Variants in MCU observed in about 807,000 individuals in gnomAD.
MCU encodes the protein mitochondrial calcium uniporter.
MCU carries 12 observed loss-of-function variants against 45.2 expected under a neutral mutation model. That is an observed-to-expected ratio of 0.27 (90% CI 0.17 to 0.43). The LOEUF is 0.43. MCU is among the 20% of genes least tolerant of loss of function. MCU has a pLI of 1.00. For synonymous variants in MCU, 160 were observed against 165.1 expected (o/e 0.97, Z 0.24); for missense variants, 324 against 436.7 (o/e 0.74, Z 2.30).
At chr10:72,733,850 T>C (rs1843214445) in intron 1 of MCU, among the ~76,000 whole-genome samples, 1 of 151,768 alleles carries the variant, frequency 6.6e-6, no homozygotes, top group Admixed American at 6.6e-5. Context: ...TTTTAAAGAA[T>C]TAACTTTTTA....
At chr10:72,717,023 C>T (rs1237722320) in intron 1 of MCU, among the ~76,000 whole-genome samples, 2 of 152,064 alleles carry the variant, frequency 1.3e-5, no homozygotes, top group African/African-American at 4.8e-5. Flanking sequence ...TCTCCTGCCT[C>T]CTTTCCTAGG....
intron 1 of MCU, among the ~76,000 whole-genome samples, chr10:72,773,181 G>A (rs1399939451): frequency 1.3e-5 from 2 of 152,140 alleles, no homozygotes; most frequent in African/African-American, 4.8e-5. Context: ...ATAGGCATGA[G>A]CCACCATACC....
intron 1 of MCU, among the ~76,000 whole-genome samples, chr10:72,776,779 G>T (rs1843900811): frequency 6.6e-6 from 1 of 152,100 alleles, no homozygotes; most frequent in Admixed American, 6.5e-5. Flanking sequence ...AGTCAAATTA[G>T]CCTTGTTCAC....
chr10:72,692,671 G>GTA (rs1842638156), intron 1 of MCU: 1 of 1,203,906 alleles, frequency 8.3e-7, no homozygotes, highest in East Asian at 4.2e-5. Context: ...CCAGATGGAA[G>GTA]TTGTCCCCTT....
intron 6 of MCU, among the ~76,000 whole-genome samples, chr10:72,872,613 A>G (rs1215446188): frequency 1.3e-5 from 2 of 152,138 alleles, no homozygotes; most frequent in African/African-American, 4.8e-5. Context: ...TTTTATTGCT[A>G]AGTAATATTC....
intron 1 of MCU, among the ~76,000 whole-genome samples, chr10:72,740,599 T>G (rs1215828804): frequency 6.6e-6 from 1 of 152,274 alleles, no homozygotes; most frequent in Non-Finnish European, 1.5e-5. Flanking sequence ...TCTATATTTC[T>G]TTCTGACTTC....
intron 1 of MCU, chr10:72,766,559 TTAAC>T (rs1161077321): frequency 2.0e-5 from 3 of 152,182 alleles, no homozygotes; most frequent in African/African-American, 7.2e-5. Flanking sequence ...AATTTTACCT[TTAAC>T]TAAAAAAAAT....
chr10:72,778,263 T>C (rs540934197), intron 1 of MCU, among the ~76,000 whole-genome samples: 6 of 152,290 alleles, frequency 3.9e-5, no homozygotes, highest in South Asian at 4.1e-4. Flanking sequence ...AACCAAGATA[T>C]GGAATCAACC....
chr10:72,696,185 A>ATT (rs1554818423), intron 1 of MCU, among the ~76,000 whole-genome samples: 89 of 109,966 alleles, frequency 8.1e-4, no homozygotes, highest in East Asian at 1.3e-3. Context: ...AAAAAAAAAA[A>ATT]TTTTTTTTTT....
At chr10:72,745,693 A>C (rs1037730046) in intron 1 of MCU, among the ~76,000 whole-genome samples, 1 of 152,088 alleles carries the variant, frequency 6.6e-6, no homozygotes, top group East Asian at 1.9e-4. Flanking sequence ...ATATTACCAT[A>C]TATCATTACC....
chr10:72,790,367 C>G (rs1412989499), intron 1 of MCU, among the ~76,000 whole-genome samples: 1 of 152,146 alleles, frequency 6.6e-6, no homozygotes, highest in Non-Finnish European at 1.5e-5. Flanking sequence ...TTCTTCCACA[C>G]CCAGTTGGGG....
intron 2 of MCU, among the ~76,000 whole-genome samples, chr10:72,841,037 A>G (rs887527308): frequency 2.0e-5 from 3 of 152,212 alleles, no homozygotes; most frequent in African/African-American, 7.2e-5. Context: ...CAGGATTGTC[A>G]TCATTTTTTC....
chr10:72,744,080 T>C (rs1843375322), intron 1 of MCU, among the ~76,000 whole-genome samples: 1 of 151,382 alleles, frequency 6.6e-6, no homozygotes, highest in South Asian at 2.1e-4. Context: ...TACATAAATA[T>C]ATAAAATATA....
intron 2 of MCU, among the ~76,000 whole-genome samples, chr10:72,843,639 AT>A (rs1845078094): frequency 6.6e-6 from 1 of 152,144 alleles, no homozygotes; most frequent in Admixed American, 6.5e-5. Flanking sequence ...TTATATGGGC[AT>A]TTTTTAGCTC....
intron 2 of MCU, among the ~76,000 whole-genome samples, chr10:72,842,460 C>G (rs909375056): frequency 1.3e-5 from 2 of 152,164 alleles, no homozygotes; most frequent in Non-Finnish European, 2.9e-5. Flanking sequence ...TATTTGTTAC[C>G]ATGTACCTTT....
At position 72,885,756 on chromosome 10, in the gene MCU, C is replaced by T. The variant is rs1387900904; in HGVS notation, c.990C>T (p.Asp330=). The part of the protein sequence containing the change: ...LKDAIAQAEM[D]LKRLRDPLQV... The stretch of plus-strand genomic sequence containing the variant: ...TGTTTCTATTTTAGGCAGAAATGGA[C>T]CTTAAGAGACTGAGAGACCCATTAC... The change falls in exon 8 of 8, where the codon GAC becomes GAT. Residue 330 remains aspartate, a synonymous_variant. Transcript: ENST00000373053. 5 of 1,612,734 alleles carry T rather than the reference C, an allele frequency of 3.1e-6. No individual in the cohort carries two copies. In the African/African-American group the frequency reaches 6.7e-5, roughly 22 times the overall value.
intron 1 of MCU, among the ~76,000 whole-genome samples, chr10:72,782,171 C>T (rs937783443): frequency 6.6e-6 from 1 of 152,178 alleles, no homozygotes; most frequent in African/African-American, 2.4e-5. Context: ...CATATTCCTC[C>T]TTAGCCTGCC....
chr10:72,865,830 G>A (rs1224351629), intron 4 of MCU, among the ~76,000 whole-genome samples: 7 of 150,206 alleles, frequency 4.7e-5, no homozygotes. Context: ...AGGCTGGAGT[G>A]CAGTGGTGCA....
chr10:72,793,884 T>A (rs1844205319), intron 1 of MCU, among the ~76,000 whole-genome samples: 1 of 152,318 alleles, frequency 6.6e-6, no homozygotes, highest in Admixed American at 6.5e-5. Context: ...ACCCACTTCT[T>A]GATGGGAGGA....
Sources: allele counts gnomAD v4.1 joint callset (sites outside exome capture counted in the v4.1 genomes callset), GRCh38; gene constraint gnomAD v4.1.1; transcripts MANE v1.5; gene names NCBI Gene and HGNC (gene_info 2026-07-23, HGNC 2026-07-21).